Variants in MIB1 observed in about 807,000 individuals in gnomAD.
MIB1 encodes the protein E3 ubiquitin-protein ligase MIB1.
Under a neutral mutation model 124.5 loss-of-function variants are expected in MIB1, and 278 were observed. The observed-to-expected ratio is 2.23, with a 90% CI of 2.02 to 2.47. The LOEUF (loss-of-function observed/expected upper bound fraction) is 2.47. Among genes scored for constraint, MIB1 ranks in the 30% most tolerant of loss-of-function variants. The pLI is 0.00. For synonymous variants in MIB1, 446 were observed against 429.4 expected, an observed-to-expected ratio of 1.04 and a Z score of -0.48; for missense variants, 957 against 1,254.4, an observed-to-expected ratio of 0.76 and a Z score of 3.58.
rs540488483 is a variant in MIB1 at position 21,710,905 on chromosome 18, C to T, written n.167+5782C>T. Among the ~76,000 whole-genome samples, 50 of 147,504 alleles carry T rather than the reference C, an allele frequency of 3.4e-4. 1 individual carries two copies. Among genetic ancestry groups the T allele is most frequent in the Middle Eastern group, 7.3e-3 (2 of 274 alleles). On this transcript the variant is annotated intron_variant and non_coding_transcript_variant, in intron 1 of 20. Transcript: ENST00000578646. Reference sequence around the variant, plus strand: ...GCAGTGGCACGATCTTGGCTCACTGCGACCTCTGGCTACCTGGTTCGAGCA... The same window carrying T: ...GCAGTGGCACGATCTTGGCTCACTGTGACCTCTGGCTACCTGGTTCGAGCA...
chr18:21,843,004 T>C, intron 13 of MIB1, 127 bp from the exon 14 acceptor site: 2 of 604,340 alleles, frequency 3.3e-6, no homozygotes, highest in Non-Finnish European at 2.8e-6. Flanking sequence ...AGAATAACAT[T>C]GCAGCAGCTG....
chr18:21,835,832 C>CACACAA (rs2042024764), intron 12 of MIB1, among the ~76,000 whole-genome samples: 1 of 80,230 alleles, frequency 1.2e-5, no homozygotes, highest in Non-Finnish European at 2.6e-5. Flanking sequence ...CACACACACA[C>CACACAA]ACACACAAAC....
chr18:21,721,172 T>TGTTTTG (rs2040713727), intron 1 of MIB1, among the ~76,000 whole-genome samples: 1 of 102,018 alleles, frequency 9.8e-6, no homozygotes, highest in Non-Finnish European at 1.9e-5. Flanking sequence ...TTTTTTTTTT[T>TGTTTTG]TTTTTTTTTT....
At chr18:21,735,549 GCTGAAGCCAGTGAGCCAAGTGGT>G (rs2040792798) in intron 1 of MIB1, among the ~76,000 whole-genome samples, 1 of 152,134 alleles carries the variant, frequency 6.6e-6, no homozygotes, top group South Asian at 2.1e-4. Flanking sequence ...TGGAAAGGGG[GCTGAAGCCAGTGAGCCAAGTGGT>G]CTGGCTCAGC....
At chr18:21,836,823 A>G (rs1022212357) in intron 12 of MIB1, among the ~76,000 whole-genome samples, 3 of 152,196 alleles carry the variant, frequency 2.0e-5, no homozygotes, top group African/African-American at 7.2e-5. Flanking sequence ...GAGATAATGT[A>G]TGGCATTAAC....
At chr18:21,733,705 T>C (rs1387157309) in intron 1 of MIB1, among the ~76,000 whole-genome samples, 2 of 152,214 alleles carry the variant, frequency 1.3e-5, no homozygotes, top group Non-Finnish European at 2.9e-5. Context: ...CTTTCTTTTT[T>C]CTTTTTTCTT....
chr18:21,741,801 GCGCGCCCACCGGTAAGC>G lies in MIB1; in HGVS notation c.223_229+10del. 5 of 1,601,246 alleles carry G rather than the reference GCGCGCCCACCGGTAAGC, an allele frequency of 3.1e-6. No homozygotes were observed. Among genetic ancestry groups the G allele is most frequent in the Non-Finnish European group, 4.3e-6 (5 of 1,174,866 alleles). ...GCTTACGACCTCCGCATCCTGGACAGCGCGCCCACCGGTAAGCCGCGGCCACCTGGCCAGGGCTTGCG... is the reference window on the plus strand; with the variant it reads ...GCTTACGACCTCCGCATCCTGGACAGCGCGGCCACCTGGCCAGGGCTTGCG... On this transcript the variant is annotated splice_donor_variant and splice_donor_5th_base_variant and coding_sequence_variant and intron_variant, in exon 1 of 21. Coordinates refer to ENST00000261537, the MANE Select transcript of MIB1 (RefSeq NM_020774.4). LOFTEE classifies it high-confidence loss of function. The surrounding 1 kb of genome is among the most constrained non-coding windows in gnomAD (Gnocchi z 5.4).
chr18:21,721,655 T>G (rs1388956155), intron 1 of MIB1, among the ~76,000 whole-genome samples: 1 of 152,174 alleles, frequency 6.6e-6, no homozygotes, highest in Non-Finnish European at 1.5e-5. Flanking sequence ...TGTGTATGTA[T>G]GACATTATTC....
In MIB1 at chr18:21,779,970, T is replaced by G. The variant is rs541539306; in HGVS notation, c.908+285T>G. On this transcript the variant is annotated intron_variant, in intron 6 of 20. Transcript: ENST00000261537. ...CACTATTTTTCCTTCAAGAGGAGAA[T>G]ACATTATATCACTATTAGGTCTGAA... 6.6e-5 allele frequency among the ~76,000 whole-genome samples: 10 copies of G among 152,156 alleles called. No homozygotes were observed. In the East Asian group the frequency reaches 1.9e-3, roughly 29 times the overall value.
rs2040850049 is a variant in MIB1 at position 21,741,499 on chromosome 18, G to A, written c.-85G>A. 6 of 1,027,466 alleles carry A rather than the reference G, an allele frequency of 5.8e-6. No individual in the cohort carries two copies. The highest frequency in any genetic ancestry group is 7.5e-6 in the Non-Finnish European group (6 of 798,474). The allele number at this position is 1,027,466 out of a possible 1,614,324, so 63.6% of individuals were successfully genotyped here. On this transcript the variant is annotated 5_prime_UTR_variant, in exon 1 of 21. Transcript: ENST00000261537. This position sits in a 1 kb window ranked among gnomAD's most constrained non-coding sequence, Gnocchi z 5.4. ...CGCCCCCGCCGACGCCTAGAGTCCG[G>A]CCCGGGCCCAACTCCCTCACGGGCC...
intron 17 of MIB1, among the ~76,000 whole-genome samples, chr18:21,851,438 A>G (rs976889490): frequency 1.3e-5 from 2 of 152,150 alleles, no homozygotes; most frequent in Admixed American, 6.5e-5. Flanking sequence ...TTTATAATCT[A>G]TAGAAAAGTA....
intron 1 of MIB1, among the ~76,000 whole-genome samples, chr18:21,754,353 A>G (rs190440895): frequency 6.6e-6 from 1 of 152,350 alleles, no homozygotes; most frequent in African/African-American, 2.4e-5. Context: ...AACAATTCAT[A>G]CATTTTAAAT....
chr18:21,741,812 G>T lies in MIB1; in HGVS notation c.229G>T (p.Gly77Cys), dbSNP rs780021227. 2.5e-6 allele frequency: 4 copies of T among 1,592,354 alleles called. No homozygotes were observed. Among genetic ancestry groups the T allele is most frequent in the East Asian group, 2.3e-5 (1 of 43,822 alleles). The part of the protein sequence containing the change: ...DLRILDSAPT[G>C]IKHDGTMCDT... ...CCGCATCCTGGACAGCGCGCCCACCGGTAAGCCGCGGCCACCTGGCCAGGG... is the reference window on the plus strand; with the variant it reads ...CCGCATCCTGGACAGCGCGCCCACCTGTAAGCCGCGGCCACCTGGCCAGGG... The change falls in exon 1 of 21, where the codon GGC becomes TGC. Residue 77 changes from glycine to cysteine, a missense_variant and splice_region_variant. Coordinates refer to ENST00000261537, the MANE Select transcript of MIB1 (RefSeq NM_020774.4). This position sits in a 1 kb window ranked among gnomAD's most constrained non-coding sequence, Gnocchi z 5.4.
Position 21,784,173 on chromosome 18 carries a change from C to T in MIB1, c.908+4488C>T, listed in dbSNP as rs567937655. On this transcript the variant is annotated intron_variant, in intron 6 of 20. Coordinates refer to ENST00000261537, the MANE Select transcript of MIB1 (RefSeq NM_020774.4). ...AGACAATTCTCCTGCCTCAGCCTCCCGCGTAGCTGGGACTACAGGCGCGTG... is the reference window on the plus strand; with the variant it reads ...AGACAATTCTCCTGCCTCAGCCTCCTGCGTAGCTGGGACTACAGGCGCGTG... Among the ~76,000 whole-genome samples the T allele has an allele frequency of 4.6e-5, 7 of 152,002 alleles. No individual in the cohort carries two copies. In the South Asian group the frequency reaches 8.3e-4, roughly 18 times the overall value.
chr18:21,814,763 G>A (rs1323117178), intron 10 of MIB1, among the ~76,000 whole-genome samples: 1 of 151,244 alleles, frequency 6.6e-6, no homozygotes, highest in African/African-American at 2.4e-5. Flanking sequence ...TAGTAGAGAC[G>A]GGTTTTCTCC....
chr18:21,818,420 T>C (rs1294009892), intron 11 of MIB1, among the ~76,000 whole-genome samples: 1 of 152,234 alleles, frequency 6.6e-6, no homozygotes, highest in African/African-American at 2.4e-5. Flanking sequence ...TTTAAACTTA[T>C]AAAATTTGGG....
chr18:21,845,744 C>T (rs976447254), intron 15 of MIB1, among the ~76,000 whole-genome samples: 2 of 152,134 alleles, frequency 1.3e-5, no homozygotes, highest in South Asian at 2.1e-4. Context: ...CTGCCTCAGC[C>T]TCCCAAGTAG....
In MIB1 at chr18:21,815,720, G is replaced by A; in HGVS notation, c.1584G>A (p.Lys528=). 6.2e-7 allele frequency: 1 copy of A among 1,614,126 alleles called. No individual in the cohort carries two copies. The highest frequency in any genetic ancestry group is 1.3e-5 in the African/African-American group (1 of 75,040). The change falls in exon 11 of 21, where the codon AAG becomes AAA. Residue 528 remains lysine (K), a synonymous_variant. Transcript: ENST00000261537. The stretch of plus-strand genomic sequence containing the variant: ...GTGCTGATTTGAATGCTCGAAACAA[G>A]CGCCGACAGACACCACTTCATATTG... ...RGSADLNARN[K]RRQTPLHIAV...
At chr18:21,717,668 G>A (rs1457372036) in intron 1 of MIB1, among the ~76,000 whole-genome samples, 4 of 152,150 alleles carry the variant, frequency 2.6e-5, no homozygotes, top group African/African-American at 4.8e-5. Flanking sequence ...CTAATGGTCA[G>A]GGAAATGCAA....
Sources: gnomAD v4.1 joint callset for allele counts (sites outside exome capture counted in the v4.1 genomes callset) on GRCh38, gnomAD v4.1.1 for gene constraint, Gnocchi (gnomAD v3.1) non-coding constraint, MANE v1.5 for transcripts, NCBI Gene and HGNC (gene_info 2026-07-23, HGNC 2026-07-21) for gene names.